Variants in TBC1D31 observed in about 807,000 individuals in gnomAD.
The protein encoded by TBC1D31 is WD repeat domain 67.
Under a neutral mutation model 132.9 loss-of-function variants are expected in TBC1D31, and 99 were observed. The ratio of observed to expected loss-of-function variants is 0.74; its 90% confidence interval spans 0.63 to 0.88. The LOEUF (loss-of-function observed/expected upper bound fraction) is 0.88, where lower values mean the gene tolerates loss of function less well. TBC1D31 is among the 40% of genes least tolerant of loss of function. TBC1D31 has a pLI of 0.00. For missense variants in TBC1D31, 1,134 were observed against 1,256.6 expected, an observed-to-expected ratio of 0.90 and a Z score of 1.48; for synonymous variants, 385 against 419.4, an observed-to-expected ratio of 0.92 and a Z score of 1.00.
In TBC1D31 at chr8:123,100,854, G is replaced by A. The variant is rs968224721; in HGVS notation, c.879G>A (p.Met293Ile). ...ATGGTATTATGAGATTTATCAATAT[G>A]CAGACTTGTAAACTTCTCTTTGAGA... ...SQDGIMRFIN[M>I]QTCKLLFEIG... The change falls in exon 7 of 22, where the codon ATG becomes ATA. Residue 293 changes from methionine (M) to isoleucine (I), a missense_variant. Met to Ile is a conservative substitution (Grantham distance 10, BLOSUM62 1). Transcript: ENST00000287380. 1 of 1,613,822 alleles carries A rather than the reference G, an allele frequency of 6.2e-7. No individual in the cohort carries two copies. The highest frequency in any genetic ancestry group is 8.5e-7 in the Non-Finnish European group (1 of 1,179,844).
chr8:123,082,416 C>A (rs1815261531), intron 2 of TBC1D31: 1 of 295,978 alleles, frequency 3.4e-6, no homozygotes, highest in African/African-American at 2.2e-5. Flanking sequence ...TTAGTGATCT[C>A]CTTTATTCCT....
chr8:123,090,283 A>G (rs1816200810), intron 4 of TBC1D31, among the ~76,000 whole-genome samples: 1 of 152,258 alleles, frequency 6.6e-6, no homozygotes, highest in African/African-American at 2.4e-5. Context: ...TCAGTATCAC[A>G]TAGTTTAGGA....
intron 8 of TBC1D31, among the ~76,000 whole-genome samples, chr8:123,106,374 T>C (rs919476113): frequency 1.3e-5 from 2 of 152,242 alleles, no homozygotes; most frequent in African/African-American, 4.8e-5. Context: ...ACAGTGCTTG[T>C]GTTCCAGTAA....
intron 16 of TBC1D31, among the ~76,000 whole-genome samples, chr8:123,131,766 T>G (rs199689338): frequency 0.28 from 41,972 of 151,728 alleles, 5,862 homozygotes; most frequent in Admixed American, 0.34. Flanking sequence ...GTTTCAGCTG[T>G]TTTAAGTCTG....
intron 8 of TBC1D31, among the ~76,000 whole-genome samples, chr8:123,107,325 A>G (rs1563706969): frequency 6.6e-6 from 1 of 152,186 alleles, no homozygotes; most frequent in Non-Finnish European, 1.5e-5. Flanking sequence ...GCATTACCGT[A>G]GCTTTGGAGC....
intron 11 of TBC1D31, among the ~76,000 whole-genome samples, chr8:123,122,805 G>T (rs1000719360): frequency 2.0e-5 from 3 of 152,130 alleles, no homozygotes; most frequent in African/African-American, 7.2e-5. Context: ...TAGCTAAAAT[G>T]TTTTATACCA....
intron 10 of TBC1D31, among the ~76,000 whole-genome samples, chr8:123,115,694 T>G (rs1336851284): frequency 6.6e-6 from 1 of 152,124 alleles, no homozygotes; most frequent in Non-Finnish European, 1.5e-5. Flanking sequence ...TCTGCAGGTT[T>G]CCCATATTTC....
At chr8:123,119,889 A>G (rs1171293695) in intron 10 of TBC1D31, among the ~76,000 whole-genome samples, 166 bp from the exon 11 acceptor site, 4 of 152,182 alleles carry the variant, frequency 2.6e-5, no homozygotes, top group African/African-American at 9.6e-5. Flanking sequence ...GTGGTTTTTT[A>G]AGAAAGGATT....
At chr8:123,116,705 A>T (rs1233620058) in intron 10 of TBC1D31, among the ~76,000 whole-genome samples, 1 of 152,152 alleles carries the variant, frequency 6.6e-6, no homozygotes, top group Admixed American at 6.5e-5. Context: ...TTAGTGCCAT[A>T]AAGTAAGGAA....
At chr8:123,073,498 T>G (rs1000934858) in intron 1 of TBC1D31, 7 of 430,842 alleles carry the variant, frequency 1.6e-5, no homozygotes, top group Admixed American at 7.7e-5. Flanking sequence ...GCGCTGCTTT[T>G]CATTCTGTTC....
At chr8:123,134,011 T>C in intron 16 of TBC1D31, 103 bp from the exon 17 acceptor site, 1 of 791,540 alleles carries the variant, frequency 1.3e-6, no homozygotes, top group East Asian at 2.9e-5. Context: ...TGCTGTTATT[T>C]TAAATACTGT....
At chr8:123,139,382 G>C (rs76921098) in intron 17 of TBC1D31, among the ~76,000 whole-genome samples, 2,211 of 152,254 alleles carry the variant, frequency 0.015, 53 homozygotes, top group African/African-American at 0.05. Flanking sequence ...TCTTTGCTTA[G>C]TGACTTTTCT....
Position 123,151,775 on chromosome 8 carries a change from G to T in TBC1D31, c.3068-31G>T, listed in dbSNP as rs199638982. ...ATCACCGCTAACATCAGAAAACTCA[G>T]CTTTTCTAAATTTTAAATTTCGTTT... is the stretch of plus-strand genomic sequence containing the variant. On this transcript the variant is annotated intron_variant, in intron 21 of 21. Transcript: ENST00000287380. The T allele has an allele frequency of 4.6e-6, 7 of 1,538,194 alleles. 1 individual carries two copies. The highest frequency in any genetic ancestry group is 6.1e-6 in the Non-Finnish European group (7 of 1,154,314).
In TBC1D31 at chr8:123,077,241, G is replaced by T; in HGVS notation, c.208G>T (p.Asp70Tyr). 6.2e-7 allele frequency: 1 copy of T among 1,610,944 alleles called. No individual in the cohort carries two copies. The highest frequency in any genetic ancestry group is 8.5e-7 in the Non-Finnish European group (1 of 1,179,018). Residue 70 changes from aspartate to tyrosine, a missense_variant, in exon 2 of 22, where the codon GAC becomes TAC. Asp to Tyr is a radical substitution (Grantham distance 160). Transcript: ENST00000287380. Reference protein sequence around the residue: ...GDHQGNIYVFDLHGNRFNLVQ... With the variant: ...GDHQGNIYVFYLHGNRFNLVQ... ...CCACCAAGGAAATATTTATGTTTTT[G>T]ACTTACATGGAAACAGGTAAGCAGA...
intron 4 of TBC1D31, among the ~76,000 whole-genome samples, chr8:123,087,812 G>A (rs1016520221): frequency 6.6e-6 from 1 of 152,234 alleles, no homozygotes; most frequent in Admixed American, 6.5e-5. Flanking sequence ...GTATATTAAT[G>A]TTAGTGCTAT....
Position 123,150,098 on chromosome 8 carries a change from G to T in TBC1D31, c.3037G>T (p.Asp1013Tyr). The T allele has an allele frequency of 6.2e-7, 1 of 1,613,920 alleles. No homozygotes were observed. Among genetic ancestry groups the T allele is most frequent in the South Asian group, 1.1e-5 (1 of 91,042 alleles). The change falls in exon 21 of 22, where the codon GAC becomes TAC. Residue 1013 changes from aspartate (D) to tyrosine (Y), a missense_variant. Coordinates refer to ENST00000287380, the MANE Select transcript of TBC1D31 (RefSeq NM_145647.4). ...TTTGCCTAGAACCTCACAATTAAAT[G>T]ACTCTTCTGAAATGGATCCCTCAAC... is the stretch of plus-strand genomic sequence containing the variant. ...SCLPRTSQLN[D>Y]SSEMDPSTQI...
chr8:123,149,109 C>A (rs1822535312), intron 20 of TBC1D31, among the ~76,000 whole-genome samples: 1 of 151,654 alleles, frequency 6.6e-6, no homozygotes, highest in Admixed American at 6.6e-5. Context: ...TTCTGTTTTT[C>A]TTTTTCCGCT....
downstream of TBC1D31, among the ~76,000 whole-genome samples, chr8:123,155,178 G>A (rs1018524857): frequency 1.3e-5 from 2 of 152,192 alleles, no homozygotes; most frequent in Admixed American, 6.5e-5. The surrounding 1 kb of genome is among the most constrained non-coding windows in gnomAD (Gnocchi z 4.1). Context: ...GGAATGTAGG[G>A]GTGGATTGAT....
intron 10 of TBC1D31, among the ~76,000 whole-genome samples, chr8:123,113,590 C>T (rs1392331864): frequency 6.6e-6 from 1 of 152,116 alleles, no homozygotes; most frequent in Admixed American, 6.5e-5. Context: ...AGAGGTTGCT[C>T]ATATCATTTG....
Sources: allele counts gnomAD v4.1 joint callset (sites outside exome capture counted in the v4.1 genomes callset), GRCh38; gene constraint gnomAD v4.1.1; non-coding constraint Gnocchi (gnomAD v3.1); transcripts MANE v1.5; gene names NCBI Gene and HGNC (gene_info 2026-07-23, HGNC 2026-07-21).